The following CREB5 variants were observed in gnomAD, a reference collection of about 807,000 sequenced individuals.
CREB5 encodes cAMP responsive element binding protein 5.
Under a neutral mutation model 57.1 loss-of-function variants are expected in CREB5, and 19 were observed. The observed-to-expected ratio is 0.33, with a 90% CI of 0.23 to 0.49. CREB5 has a LOEUF of 0.49. CREB5 is among the 20% of genes least tolerant of loss of function. CREB5 has a pLI of 0.99. For missense variants in CREB5, 579 were observed against 671.6 expected, an observed-to-expected ratio of 0.86 and a Z score of 1.52; for synonymous variants, 238 against 238.3, an observed-to-expected ratio of 1.00 and a Z score of 0.01.
chr7:28,670,540 A>G (rs952712460), intron 5 of CREB5, among the ~76,000 whole-genome samples: 2 of 152,242 alleles, frequency 1.3e-5, no homozygotes, highest in Non-Finnish European at 2.9e-5. Flanking sequence ...GACTAAGAGA[A>G]GCTGACACTT....
chr7:28,663,249 GGCTGGAGTGTA>G (rs1331824105), intron 5 of CREB5, among the ~76,000 whole-genome samples: 2 of 151,954 alleles, frequency 1.3e-5, no homozygotes, highest in African/African-American at 2.4e-5. Context: ...CTGTCACCCA[GGCTGGAGTGTA>G]GTGGAGTGAT....
At chr7:28,568,739 C>G (rs1795579550) in intron 4 of CREB5, among the ~76,000 whole-genome samples, 1 of 152,160 alleles carries the variant, frequency 6.6e-6, no homozygotes, top group Non-Finnish European at 1.5e-5. Context: ...CAGTTTCCAT[C>G]TGGACTCCTG....
At chr7:28,643,843 G>A (rs1356642782) in intron 5 of CREB5, among the ~76,000 whole-genome samples, 1 of 152,000 alleles carries the variant, frequency 6.6e-6, no homozygotes, top group East Asian at 1.9e-4. Flanking sequence ...ACTTTGGCAG[G>A]GCCAAGGCAG....
intron 4 of CREB5, among the ~76,000 whole-genome samples, chr7:28,531,069 G>A (rs150610): frequency 0.86 from 130,640 of 152,064 alleles, 56,419 homozygotes; most frequent in African/African-American, 0.93. Context: ...AGTGGGTGGC[G>A]GGGAAGAGGC....
chr7:28,439,995 A>G (rs562750601), intron 1 of CREB5, among the ~76,000 whole-genome samples: 2 of 152,324 alleles, frequency 1.3e-5, no homozygotes, highest in Admixed American at 1.3e-4. Flanking sequence ...GTCTGTGCTT[A>G]GCTGGAACAG....
intron 4 of CREB5, among the ~76,000 whole-genome samples, chr7:28,548,160 C>T (rs866040766): frequency 1.3e-5 from 2 of 152,304 alleles, no homozygotes; most frequent in Middle Eastern, 3.4e-3. Context: ...GAATTTGATG[C>T]TGTTCTCTTG....
intron 4 of CREB5, among the ~76,000 whole-genome samples, chr7:28,550,460 A>T (rs573648488): frequency 6.6e-6 from 1 of 152,314 alleles, no homozygotes; most frequent in East Asian, 1.9e-4. Flanking sequence ...AGTTGGACTC[A>T]AAATGGCCAC....
Position 28,314,676 on chromosome 7 carries a change from T to C in CREB5, c.-25+15235T>C, listed in dbSNP as rs528762579. Among the ~76,000 whole-genome samples, 20 of 152,290 alleles carry C rather than the reference T, an allele frequency of 1.3e-4. No homozygotes were observed. In the South Asian group the frequency reaches 4.1e-3, roughly 32 times the overall value. On this transcript the variant is annotated intron_variant, in intron 1 of 9. Transcript: ENST00000396299. ...TAAGGCTTAGTGAGCAGCGACACAC[T>C]ACCCCAAGGGAAAGAAAACCAGAAG...
intron 5 of CREB5, among the ~76,000 whole-genome samples, chr7:28,593,146 A>C (rs1218730972): frequency 3.3e-5 from 5 of 152,224 alleles, no homozygotes; most frequent in Admixed American, 6.5e-5. Context: ...GATGATAACC[A>C]CACTCACACA....
intron 5 of CREB5, among the ~76,000 whole-genome samples, chr7:28,630,999 A>G (rs576207068): frequency 8.5e-5 from 13 of 152,298 alleles, no homozygotes; most frequent in Admixed American, 2.6e-4. Flanking sequence ...ATTACACAGC[A>G]AGTAAGTGGT....
intron 7 of CREB5, among the ~76,000 whole-genome samples, chr7:28,756,710 C>A (rs1805332930): frequency 6.6e-6 from 1 of 152,168 alleles, no homozygotes; most frequent in Non-Finnish European, 1.5e-5. Context: ...CACTGGTGCT[C>A]TCCAAAGCGG....
chr7:28,682,576 C>T (rs1800648717), intron 5 of CREB5, among the ~76,000 whole-genome samples: 1 of 152,052 alleles, frequency 6.6e-6, no homozygotes, highest in Non-Finnish European at 1.5e-5. Context: ...TATCTGGCCC[C>T]TCAAACTCCA....
At chr7:28,474,977 A>C (rs1475918765) in intron 1 of CREB5, among the ~76,000 whole-genome samples, 1 of 152,238 alleles carries the variant, frequency 6.6e-6, no homozygotes, top group Admixed American at 6.5e-5. Flanking sequence ...ATTAAATAAA[A>C]TTTTGACTAC....
intron 7 of CREB5, 45 bp downstream of exon 7, chr7:28,724,377 T>G: frequency 6.5e-7 from 1 of 1,530,744 alleles, no homozygotes; most frequent in Non-Finnish European, 9.0e-7. Context: ...TGTGACTTTT[T>G]CTTTTGAATT....
chr7:28,690,306 C>T (rs1284681208), intron 5 of CREB5, among the ~76,000 whole-genome samples: 2 of 152,178 alleles, frequency 1.3e-5, no homozygotes, highest in East Asian at 1.9e-4. Context: ...CTCTGCCCAC[C>T]AGACACAGAG....
chr7:28,745,120 C>T (rs977879446), intron 7 of CREB5, among the ~76,000 whole-genome samples: 1 of 152,216 alleles, frequency 6.6e-6, no homozygotes, highest in Non-Finnish European at 1.5e-5. Context: ...GAACATCTCT[C>T]TTGCTCCACG....
At chr7:28,618,559 T>G (rs1797677553) in intron 5 of CREB5, among the ~76,000 whole-genome samples, 1 of 152,202 alleles carries the variant, frequency 6.6e-6, no homozygotes, top group African/African-American at 2.4e-5. Flanking sequence ...CCAGGCTGCC[T>G]GTTGGCTCTG....
chr7:28,537,331 C>A (rs1794003974), intron 4 of CREB5, among the ~76,000 whole-genome samples: 1 of 151,850 alleles, frequency 6.6e-6, no homozygotes, highest in African/African-American at 2.4e-5. Context: ...CAGCTCTGAA[C>A]TTTACCACCA....
chr7:28,383,826 A>T (rs538009291), intron 1 of CREB5, among the ~76,000 whole-genome samples: 14 of 152,294 alleles, frequency 9.2e-5, no homozygotes, highest in African/African-American at 3.4e-4. Flanking sequence ...AGTACAGAAG[A>T]TGGGGAAGGA....
Sources: allele counts gnomAD v4.1 joint callset (sites outside exome capture counted in the v4.1 genomes callset), GRCh38; gene constraint gnomAD v4.1.1; transcripts MANE v1.5; gene names NCBI Gene and HGNC (gene_info 2026-07-23, HGNC 2026-07-21).